HECW1: variants seen among roughly 807,000 people sequenced by gnomAD.
HECW1 encodes E3 ubiquitin-protein ligase HECW1.
In HECW1, 61 loss-of-function variants were observed where a neutral mutation model predicts 182.3. The ratio of observed to expected loss-of-function variants is 0.33; its 90% CI spans 0.27 to 0.41. The LOEUF (loss-of-function observed/expected upper bound fraction) is 0.41. Among genes scored for constraint, HECW1 ranks in the 10% least tolerant of loss-of-function variants. The pLI, the probability that HECW1 is intolerant of heterozygous loss-of-function variation, is 1.00. For synonymous variants in HECW1, 859 were observed against 832.6 expected, an observed-to-expected ratio of 1.03 and a Z score of -0.55; for missense variants, 1,739 against 2,108.9, an observed-to-expected ratio of 0.82 and a Z score of 3.44.
chr7:43,321,934 G>A (rs992727378), intron 5 of HECW1, among the ~76,000 whole-genome samples: 6 of 152,188 alleles, frequency 3.9e-5, no homozygotes, highest in Non-Finnish European at 8.8e-5. Context: ...GCTCTTTCTT[G>A]TGTTGGCTCA....
chr7:43,166,989 A>G (rs778103047), intron 2 of HECW1, among the ~76,000 whole-genome samples: 18 of 152,380 alleles, frequency 1.2e-4, no homozygotes, highest in Middle Eastern at 3.4e-3. Flanking sequence ...GACGCAAGGC[A>G]GGCAAGAGGC....
intron 6 of HECW1, among the ~76,000 whole-genome samples, chr7:43,370,982 G>T (rs1817282012): frequency 6.6e-6 from 1 of 151,718 alleles, no homozygotes; most frequent in Admixed American, 6.6e-5. Flanking sequence ...CCACTTCCTG[G>T]GTTCTCGCGA....
chr7:43,382,218 G>A (rs1406724760), intron 6 of HECW1, among the ~76,000 whole-genome samples: 3 of 152,084 alleles, frequency 2.0e-5, no homozygotes, highest in South Asian at 2.1e-4. Flanking sequence ...CCCAGGAGGC[G>A]GAGCTTGCAG....
At chr7:43,305,740 A>G (rs551182113) in intron 3 of HECW1, among the ~76,000 whole-genome samples, 43 of 150,500 alleles carry the variant, frequency 2.9e-4, no homozygotes, top group African/African-American at 1.1e-3. Context: ...CTGCGATTAC[A>G]GGCGCCCGTC....
At chr7:43,151,153 G>A (rs565296444) in intron 2 of HECW1, among the ~76,000 whole-genome samples, 1 of 152,328 alleles carries the variant, frequency 6.6e-6, no homozygotes, top group South Asian at 2.1e-4. Context: ...AGTGAGTGGA[G>A]CCAAGAGGCA....
At position 43,181,074 on chromosome 7, in the gene HECW1, C is replaced by A; in HGVS notation, c.-31-62801C>A. On this transcript the variant is annotated intron_variant, in intron 2 of 29. Coordinates refer to ENST00000395891, the MANE Select transcript of HECW1 (RefSeq NM_015052.5). ...TCTATGAGATCAACTTTTTAAGATT[C>A]CACATATGAGGGAGTTCATGTGGTA... 1.4e-5 allele frequency among the ~76,000 whole-genome samples: 2 copies of A among 143,662 alleles called. 1 individual carries two copies. The highest frequency in any genetic ancestry group is 3.9e-4 in the East Asian group (2 of 5,194). 94.2% of individuals were successfully genotyped at this position (143,662 alleles called of 152,430 possible). A position where few individuals can be genotyped will look rare whatever the true frequency, so the allele number is the denominator to read the frequency against.
intron 2 of HECW1, among the ~76,000 whole-genome samples, chr7:43,172,857 A>G (rs1332154425): frequency 6.6e-6 from 1 of 152,220 alleles, no homozygotes; most frequent in Non-Finnish European, 1.5e-5. Flanking sequence ...GAGCAGGCAC[A>G]CTTTTTTACT....
At chr7:43,478,602 A>G (rs1436703326) in intron 16 of HECW1, among the ~76,000 whole-genome samples, 2 of 152,168 alleles carry the variant, frequency 1.3e-5, no homozygotes, top group East Asian at 1.9e-4. Flanking sequence ...TAACAAGTGA[A>G]AAACCTCATA....
At chr7:43,515,384 G>A (rs1481401467) in intron 24 of HECW1, among the ~76,000 whole-genome samples, 1 of 152,178 alleles carries the variant, frequency 6.6e-6, no homozygotes, top group African/African-American at 2.4e-5. Flanking sequence ...AAGATGAACT[G>A]GAGTGGGCAA....
chr7:43,376,302 G>C (rs2074321205), intron 6 of HECW1, among the ~76,000 whole-genome samples: 1 of 152,052 alleles, frequency 6.6e-6, no homozygotes. Flanking sequence ...CACCCAACGA[G>C]CCTCAGGAAC....
rs372660466 is a variant in HECW1, at chr7:43,346,927, A to T, written c.461-13959A>T. 5.3e-5 allele frequency among the ~76,000 whole-genome samples: 8 copies of T among 152,296 alleles called. No homozygotes were observed. In the East Asian group the frequency reaches 1.5e-3, roughly 29 times the overall value. ...GTATAGCTTGAAATCAGGTAGTATG[A>T]TGCCTCCAGATTTGTTCTTTTTGCT... On this transcript the variant is annotated intron_variant, in intron 5 of 29. Transcript: ENST00000395891.
intron 6 of HECW1, among the ~76,000 whole-genome samples, chr7:43,382,870 C>T (rs1302293323): frequency 6.6e-6 from 1 of 152,104 alleles, no homozygotes; most frequent in Non-Finnish European, 1.5e-5. Flanking sequence ...CCCATCAACC[C>T]GTCATCTAGG....
At chr7:43,421,159 C>T (rs150663135) in intron 8 of HECW1, among the ~76,000 whole-genome samples, 25 of 152,276 alleles carry the variant, frequency 1.6e-4, no homozygotes, top group Admixed American at 5.2e-4. Context: ...CATCGTTTTA[C>T]GACAATAGTG....
chr7:43,458,249 CAG>C (rs1406143351), intron 13 of HECW1, among the ~76,000 whole-genome samples: 6 of 152,296 alleles, frequency 3.9e-5, no homozygotes, highest in South Asian at 2.1e-4. Flanking sequence ...AGCAGAGAAA[CAG>C]GGGAGGGTAT....
chr7:43,549,174 C>A (rs889188136), intron 26 of HECW1, among the ~76,000 whole-genome samples: 2 of 152,206 alleles, frequency 1.3e-5, no homozygotes, highest in South Asian at 4.1e-4. Flanking sequence ...TCCCATTGGA[C>A]AGAATTTACT....
At chr7:43,325,387 A>G (rs1022088646) in intron 5 of HECW1, among the ~76,000 whole-genome samples, 1 of 152,188 alleles carries the variant, frequency 6.6e-6, no homozygotes, top group East Asian at 1.9e-4. Context: ...GTCCTTGTTC[A>G]TTGTGTATTT....
At chr7:43,494,681 T>C (rs2152920669) in intron 19 of HECW1, among the ~76,000 whole-genome samples, 1 of 152,242 alleles carries the variant, frequency 6.6e-6, no homozygotes, top group South Asian at 2.1e-4. Flanking sequence ...ATTTTGCTAA[T>C]TTTTGTGCAT....
At chr7:43,553,177 C>CT (rs1167266154) in intron 28 of HECW1, among the ~76,000 whole-genome samples, 1 of 152,216 alleles carries the variant, frequency 6.6e-6, no homozygotes, top group Non-Finnish European at 1.5e-5. Context: ...CATCAGGCCA[C>CT]TTCCCTACCC....
intron 2 of HECW1, among the ~76,000 whole-genome samples, chr7:43,172,219 A>G (rs942786911): frequency 3.3e-5 from 5 of 151,950 alleles, no homozygotes; most frequent in African/African-American, 7.2e-5. Context: ...ACTTGAACCC[A>G]GGAGGTGGAG....
Sources: gnomAD v4.1 joint callset for allele counts (sites outside exome capture counted in the v4.1 genomes callset) on GRCh38, gnomAD v4.1.1 for gene constraint, MANE v1.5 for transcripts, NCBI Gene and HGNC (gene_info 2026-07-23, HGNC 2026-07-21) for gene names.